Variants in DAP3 observed in about 807,000 individuals in gnomAD.
DAP3 encodes the protein small ribosomal subunit protein mS29.
DAP3 carries 28 observed loss-of-function variants against 51.9 expected under a neutral mutation model. The observed-to-expected ratio is 0.54, with a 90% CI of 0.40 to 0.74. The LOEUF (loss-of-function observed/expected upper bound fraction) is 0.74, where lower values mean the gene tolerates loss of function less well. DAP3 is among the 30% of genes least tolerant of loss of function. DAP3 has a pLI of 0.00. For synonymous variants in DAP3, 170 were observed against 170.3 expected, an observed-to-expected ratio of 1.00 and a Z score of 0.01; for missense variants, 458 against 483.5, an observed-to-expected ratio of 0.95 and a Z score of 0.49.
At chr1:155,722,617 T>G (rs1571528960) in intron 4 of DAP3, among the ~76,000 whole-genome samples, 1 of 151,950 alleles carries the variant, frequency 6.6e-6, no homozygotes, top group African/African-American at 2.4e-5. Context: ...TTTGTTCTTT[T>G]GCTCTTCTCA....
chr1:155,730,034 C>T (rs189469876), intron 9 of DAP3, among the ~76,000 whole-genome samples: 4 of 149,806 alleles, frequency 2.7e-5, no homozygotes, highest in East Asian at 3.9e-4. Context: ...GAGCCGAGAT[C>T]GCCATATATA....
chr1:155,709,863 CT>C, intron 2 of DAP3, 39 bp downstream of exon 2: 1 of 1,583,826 alleles, frequency 6.3e-7, no homozygotes, highest in Non-Finnish European at 8.6e-7. Flanking sequence ...TGCATACTGC[CT>C]TTAGGTTCCC....
rs192322975 is a variant in DAP3 at position 155,732,572 on chromosome 1, A to G, written c.993+539A>G. On this transcript the variant is annotated intron_variant, in intron 11 of 12. Coordinates refer to ENST00000368336, the MANE Select transcript of DAP3 (RefSeq NM_004632.4). Reference sequence around the variant, plus strand: ...TCCAAATAATGTCTCATTCCTAAGAACAAAGATACTCTAATATACCCTGAG... The same window carrying G: ...TCCAAATAATGTCTCATTCCTAAGAGCAAAGATACTCTAATATACCCTGAG... Among the ~76,000 whole-genome samples the G allele has an allele frequency of 1.1e-3, 166 of 152,252 alleles. 1 individual carries two copies. Among genetic ancestry groups the G allele is most frequent in the Admixed American group, 5.6e-3 (86 of 15,286 alleles).
rs774233914 is a variant in DAP3 at position 155,731,365 on chromosome 1, G to A, written c.853G>A (p.Glu285Lys). The A allele has an allele frequency of 1.2e-5, 20 of 1,613,788 alleles. No individual in the cohort carries two copies. The highest frequency in any genetic ancestry group is 2.2e-5 in the East Asian group (1 of 44,884). ...KREDKSPIAP[E>K]ELALVHNLRK... ...TCTGTCCGATATGCAGATTGCCCCC[G>A]AGGAATTAGCACTTGTTCACAACTT... The change falls in exon 10 of 13, where the codon GAG (glutamate) becomes AAG (lysine). Residue 285 changes from glutamate to lysine, a missense_variant. Physicochemically the swap from Glu to Lys is moderately conservative, Grantham distance 56 (BLOSUM62 1). Transcript: ENST00000368336.
intron 1 of DAP3, among the ~76,000 whole-genome samples, chr1:155,700,975 G>C: frequency 1.0e-5 from 1 of 95,986 alleles, no homozygotes; most frequent in Non-Finnish European, 2.0e-5. Flanking sequence ...CCCTCTGCCC[G>C]GCCAGCCGCC....
chr1:155,696,284 AT>A (rs202006695), intron 1 of DAP3, among the ~76,000 whole-genome samples: 21 of 149,420 alleles, frequency 1.4e-4, no homozygotes, highest in South Asian at 4.2e-4. Context: ...GGCTTGCTGA[AT>A]TTTTTTTTTT....
chr1:155,721,903 A>G, intron 4 of DAP3: 4 of 516,808 alleles, frequency 7.7e-6, no homozygotes, highest in Non-Finnish European at 1.4e-5. Context: ...TATCATGAAA[A>G]TAGTTAATAT....
intron 3 of DAP3, among the ~76,000 whole-genome samples, chr1:155,719,636 C>T (rs1372455067): frequency 1.3e-5 from 2 of 152,032 alleles, no homozygotes; most frequent in Non-Finnish European, 2.9e-5. Context: ...GCATCCTCCA[C>T]CTCCCGGGTT....
chr1:155,736,966 T>C lies in DAP3; in HGVS notation c.1014T>C (p.Asp338=), dbSNP rs779719588. The change falls in exon 12 of 13, where the codon GAT becomes GAC. Residue 338 remains aspartate (D), a synonymous_variant. Coordinates refer to ENST00000368336, the MANE Select transcript of DAP3 (RefSeq NM_004632.4). ...LLGKEGFDAL[D]PFIPILVSNY... Reference sequence around the variant, plus strand: ...CCCAGGAAGGATTTGATGCCCTGGATCCCTTTATTCCCATCCTGGTTTCCA... The same window carrying C: ...CCCAGGAAGGATTTGATGCCCTGGACCCCTTTATTCCCATCCTGGTTTCCA... The C allele has an allele frequency of 1.2e-6, 2 of 1,613,858 alleles. No homozygotes were observed. Among genetic ancestry groups the C allele is most frequent in the African/African-American group, 2.7e-5 (2 of 74,940 alleles).
intron 2 of DAP3, among the ~76,000 whole-genome samples, chr1:155,711,741 C>T (rs1656747308): frequency 6.6e-6 from 1 of 151,460 alleles, no homozygotes; most frequent in East Asian, 1.9e-4. Flanking sequence ...CGTGAGCAAG[C>T]TGAGGAGCAA....
In DAP3 at chr1:155,708,842, C is replaced by T. The variant is rs535283448; in HGVS notation, c.-7-931C>T. On this transcript the variant is annotated intron_variant, in intron 1 of 12. Transcript: ENST00000368336. ...GCCTCAGCCTCCCAAGTAGCTGGGA[C>T]TACAGGCGCCCACCACCACACCTAG... Among the ~76,000 whole-genome samples the T allele has an allele frequency of 9.9e-5, 15 of 151,712 alleles. No individual in the cohort carries two copies. In the South Asian group the frequency reaches 2.9e-3, roughly 29 times the overall value.
chr1:155,728,916 C>A, intron 7 of DAP3, 126 bp from the exon 8 acceptor site: 1 of 842,690 alleles, frequency 1.2e-6, no homozygotes, highest in Non-Finnish European at 1.8e-6. Flanking sequence ...AGGTCTCTTA[C>A]AGAACCTGAA....
chr1:155,714,207 T>C (rs1260803065), intron 2 of DAP3, among the ~76,000 whole-genome samples: 1 of 152,212 alleles, frequency 6.6e-6, no homozygotes, highest in East Asian at 1.9e-4. Context: ...AGACTTATTT[T>C]GACATCGTTC....
intron 2 of DAP3, 121 bp from the exon 3 acceptor site, chr1:155,716,885 T>C: frequency 7.3e-7 from 1 of 1,367,920 alleles, no homozygotes; most frequent in Non-Finnish European, 9.8e-7. Flanking sequence ...AGGCGGAGGT[T>C]GTAGTGAGCC....
chr1:155,726,943 C>T (rs1446281751), intron 6 of DAP3: 1 of 152,136 alleles, frequency 6.6e-6, no homozygotes, highest in African/African-American at 2.4e-5. Flanking sequence ...CTTCCTGAAG[C>T]CTTTTGATGC....
upstream of DAP3, chr1:155,688,060 G>T: frequency 6.4e-7 from 1 of 1,568,262 alleles, no homozygotes. Flanking sequence ...GGCCCAAATC[G>T]TTCTACTCAC....
chr1:155,689,084 CT>C, upstream of DAP3: 2 of 1,461,384 alleles, frequency 1.4e-6, no homozygotes, highest in South Asian at 1.2e-5. Context: ...TGACCCGACC[CT>C]TTTTTGCAGT....
Position 155,691,079 on chromosome 1 carries a change from TTG to T in DAP3, c.-8+1907_-8+1908del, listed in dbSNP as rs528688831. On this transcript the variant is annotated intron_variant, in intron 1 of 12. Transcript: ENST00000368336. Reference sequence around the variant, plus strand: ...CCCGCCACCACGTCCAGCTAATTTTTTGTATTTTTAGTAGAGACGGGGTTTCA... The same window carrying T: ...CCCGCCACCACGTCCAGCTAATTTTTTATTTTTAGTAGAGACGGGGTTTCA... 3.5e-5 allele frequency among the ~76,000 whole-genome samples: 5 copies of T among 141,800 alleles called. No individual in the cohort carries two copies. In the South Asian group the frequency reaches 1.0e-3, roughly 29 times the overall value. 93.0% of individuals were successfully genotyped at this position (141,800 alleles called of 152,430 possible). A position where few individuals can be genotyped will look rare whatever the true frequency, so the allele number is the denominator to read the frequency against.
intron 3 of DAP3, among the ~76,000 whole-genome samples, chr1:155,718,005 T>G (rs971407208): frequency 6.6e-6 from 1 of 152,194 alleles, no homozygotes. Flanking sequence ...CCTCTGAGTC[T>G]TCCCATCTTA....
Sources: gnomAD v4.1 joint callset for allele counts (sites outside exome capture counted in the v4.1 genomes callset) on GRCh38, gnomAD v4.1.1 for gene constraint, MANE v1.5 for transcripts, NCBI Gene and HGNC (gene_info 2026-07-23, HGNC 2026-07-21) for gene names.